CYTH3: variants seen among roughly 807,000 people sequenced by gnomAD.
CYTH3 encodes the protein cytohesin 3, also known as cytohesin-3.
A neutral mutation model predicts 55.1 loss-of-function variants in CYTH3; 23 were observed. The observed-to-expected ratio is 0.42, with a 90% CI of 0.30 to 0.59. The LOEUF is 0.59. CYTH3 is among the 20% of genes least tolerant of loss of function. The pLI is 0.20. For missense variants in CYTH3, 413 were observed against 524.8 expected, an observed-to-expected ratio of 0.79 and a Z score of 2.08; for synonymous variants, 249 against 194.9, an observed-to-expected ratio of 1.28 and a Z score of -2.31.
At position 6,163,194 on chromosome 7, in the gene CYTH3, G is replaced by C. The variant is rs910762467; in HGVS notation, c.*1750C>G. Reference sequence around the variant, plus strand: ...ACTTAAAGCTACATCAAGGTCAGCCGCAGGGAGGCGAAGGGCCCGCAGCCG... The same window carrying C: ...ACTTAAAGCTACATCAAGGTCAGCCCCAGGGAGGCGAAGGGCCCGCAGCCG... On this transcript the variant is annotated 3_prime_UTR_variant, in exon 13 of 13. Coordinates refer to ENST00000350796, the MANE Select transcript of CYTH3 (RefSeq NM_004227.4). 1 of 152,496 alleles carries C rather than the reference G, an allele frequency of 6.6e-6. No individual in the cohort carries two copies. The highest frequency in any genetic ancestry group is 2.4e-5 in the African/African-American group (1 of 41,472). 9.4% of individuals were successfully genotyped at this position (152,496 alleles called of 1,614,324 possible).
Position 6,164,875 on chromosome 7 carries a change from C to A in CYTH3, c.*69G>T. On this transcript the variant is annotated 3_prime_UTR_variant, in exon 13 of 13. Transcript: ENST00000350796. ...GACTGCCTCCCTGCCACGCCTTCCG[C>A]GGAGGGGCCGCCCGCGGTGTCTTTC... is the stretch of plus-strand genomic sequence containing the variant. The A allele has an allele frequency of 6.3e-7, 1 of 1,579,510 alleles. No homozygotes were observed. The highest frequency in any genetic ancestry group is 2.2e-5 in the East Asian group (1 of 44,700).
intron 4 of CYTH3, among the ~76,000 whole-genome samples, chr7:6,180,067 T>G (rs958403539): frequency 1.5e-4 from 23 of 152,084 alleles, no homozygotes; most frequent in African/African-American, 5.1e-4. Flanking sequence ...GGAAAACAAG[T>G]GAGGCCGGTG....
intron 5 of CYTH3, 30 bp from the exon 6 acceptor site, chr7:6,173,763 TA>T: frequency 7.8e-7 from 1 of 1,281,942 alleles, no homozygotes; most frequent in Non-Finnish European, 1.1e-6. Flanking sequence ...GTTTCAAACC[TA>T]ATGTACATTA....
chr7:6,185,812 G>C (rs1305448934), intron 4 of CYTH3, among the ~76,000 whole-genome samples: 1 of 152,070 alleles, frequency 6.6e-6, no homozygotes, highest in African/African-American at 2.4e-5. Flanking sequence ...ACCTGCAACT[G>C]CACCTGCACT....
intron 1 of CYTH3, among the ~76,000 whole-genome samples, chr7:6,209,549 C>A (rs1245075837): frequency 6.6e-6 from 1 of 152,216 alleles, no homozygotes; most frequent in East Asian, 1.9e-4. Context: ...CTTTGGAAGA[C>A]AGTTTGGCAG....
At chr7:6,228,985 C>T (rs1033251029) in intron 1 of CYTH3, among the ~76,000 whole-genome samples, 4 of 152,242 alleles carry the variant, frequency 2.6e-5, no homozygotes, top group Non-Finnish European at 2.9e-5. Flanking sequence ...TCCTAGGGCA[C>T]ATACGAACAG....
chr7:6,188,157 T>C (rs752705728), intron 2 of CYTH3, among the ~76,000 whole-genome samples: 23 of 151,898 alleles, frequency 1.5e-4, no homozygotes, highest in South Asian at 2.1e-4. Context: ...CAAGGCCTCA[T>C]TGCTACAAAA....
At chr7:6,216,067 G>GAAAT (rs1287224473) in intron 1 of CYTH3, among the ~76,000 whole-genome samples, 2 of 152,138 alleles carry the variant, frequency 1.3e-5, no homozygotes, top group African/African-American at 4.8e-5. Context: ...AACTAGAAGG[G>GAAAT]AAATGATCAA....
intron 1 of CYTH3, among the ~76,000 whole-genome samples, chr7:6,243,731 T>G (rs769517602): frequency 6.6e-6 from 1 of 152,184 alleles, no homozygotes; most frequent in Non-Finnish European, 1.5e-5. Flanking sequence ...ACCCAATGAA[T>G]TGATGAAAAC....
At chr7:6,227,575 G>A (rs1034675957) in intron 1 of CYTH3, among the ~76,000 whole-genome samples, 9 of 152,152 alleles carry the variant, frequency 5.9e-5, no homozygotes, top group African/African-American at 1.9e-4. Context: ...GAATCAAAAC[G>A]AGGATGCCAC....
At chr7:6,176,748 G>C (rs928528769) in intron 5 of CYTH3, among the ~76,000 whole-genome samples, 2 of 152,200 alleles carry the variant, frequency 1.3e-5, no homozygotes, top group African/African-American at 4.8e-5. Flanking sequence ...AGGCGTGCCA[G>C]CACCGGGCTG....
intron 1 of CYTH3, among the ~76,000 whole-genome samples, chr7:6,253,823 AAAAT>A (rs1017138090): frequency 3.3e-5 from 5 of 150,896 alleles, no homozygotes; most frequent in African/African-American, 4.9e-5. Flanking sequence ...CTCAAAAATA[AAAAT>A]AAATAAATAA....
chr7:6,241,547 G>A (rs181089087), intron 1 of CYTH3, among the ~76,000 whole-genome samples: 1 of 152,274 alleles, frequency 6.6e-6, no homozygotes, highest in Admixed American at 6.5e-5. Flanking sequence ...TTTAGCATAA[G>A]AATCCCACTT....
chr7:6,185,807 C>G (rs1783628391), intron 4 of CYTH3, among the ~76,000 whole-genome samples: 1 of 152,090 alleles, frequency 6.6e-6, no homozygotes, highest in Non-Finnish European at 1.5e-5. Context: ...ATATCACCTG[C>G]AACTGCACCT....
Position 6,173,788 on chromosome 7 carries a change from A to T in CYTH3, c.369-55T>A, listed in dbSNP as rs1783263882. 7 of 1,044,000 alleles carry T rather than the reference A, an allele frequency of 6.7e-6. No homozygotes were observed. In the Admixed American group the frequency reaches 1.2e-4, roughly 18 times the overall value. 64.7% of individuals were successfully genotyped at this position (1,044,000 alleles called of 1,614,324 possible). A position where few individuals can be genotyped will look rare whatever the true frequency, so the allele number is the denominator to read the frequency against. ...TAATGTACATTATCGCAATCATTTTAAAAGATGCGGCTGATGAATAATGTG... is the reference window on the plus strand; with the variant it reads ...TAATGTACATTATCGCAATCATTTTTAAAGATGCGGCTGATGAATAATGTG... On this transcript the variant is annotated intron_variant, in intron 5 of 12. Transcript: ENST00000350796.
intron 1 of CYTH3, among the ~76,000 whole-genome samples, chr7:6,203,135 CA>C (rs1225564975): frequency 6.7e-6 from 1 of 149,070 alleles, no homozygotes; most frequent in Non-Finnish European, 1.5e-5. Context: ...AAAATAGTCT[CA>C]AAATATATAA....
In CYTH3 at chr7:6,176,758, G is replaced by A. The variant is rs1783361251; in HGVS notation, c.368+1065C>T. Among the ~76,000 whole-genome samples the A allele has an allele frequency of 2.0e-5, 3 of 152,174 alleles. No homozygotes were observed. The South Asian group carries it at 6.2e-4, about 32-fold the overall frequency. On this transcript the variant is annotated intron_variant, in intron 5 of 12. Transcript: ENST00000350796. The stretch of plus-strand genomic sequence containing the variant: ...TGGCAAGGCGTGCCAGCACCGGGCT[G>A]AACAGCAGTACTAAGAGCAGACCTC...
Position 6,201,461 on chromosome 7 carries a change from T to C in CYTH3, c.35-10930A>G, listed in dbSNP as rs148383754. Among the ~76,000 whole-genome samples, 44 of 152,346 alleles carry C rather than the reference T, an allele frequency of 2.9e-4. 1 individual carries two copies. In the East Asian group the frequency reaches 8.3e-3, roughly 29 times the overall value. ...ACACTGGTTCCTTACCCAGCCTTCT[T>C]TGGATTAGGTGAAAGGTGACATTTT... On this transcript the variant is annotated intron_variant, in intron 1 of 12. Coordinates refer to ENST00000350796, the MANE Select transcript of CYTH3 (RefSeq NM_004227.4).
In CYTH3 at chr7:6,185,885, G is replaced by A. The variant is rs1320964488; in HGVS notation, c.249+1165C>T. On this transcript the variant is annotated intron_variant, in intron 4 of 12. Coordinates refer to ENST00000350796, the MANE Select transcript of CYTH3 (RefSeq NM_004227.4). ...ATTCTGCAATCAGATATTTATCGAA[G>A]GAACAAATAATTAACTCATTAGCAC... 5.3e-5 allele frequency among the ~76,000 whole-genome samples: 8 copies of A among 151,956 alleles called. No individual in the cohort carries two copies. In the East Asian group the frequency reaches 1.5e-3, roughly 29 times the overall value.
Sources: allele counts gnomAD v4.1 joint callset (sites outside exome capture counted in the v4.1 genomes callset), GRCh38; gene constraint gnomAD v4.1.1; transcripts MANE v1.5; gene names NCBI Gene and HGNC (gene_info 2026-07-23, HGNC 2026-07-21).